BRF1: variants seen among roughly 807,000 people sequenced by gnomAD.
The protein encoded by BRF1 is BRF1 general transcription factor IIIB subunit.
BRF1 carries 59 observed loss-of-function variants against 81.7 expected under a neutral mutation model. The observed-to-expected ratio is 0.72, with a 90% CI of 0.59 to 0.90. The LOEUF is 0.90. Ranked by LOEUF, BRF1 falls within the 40% of genes least tolerant of loss-of-function variation. BRF1 has a pLI of 0.00. For missense variants in BRF1, 1,050 were observed against 936.3 expected (o/e 1.12, Z -1.58); for synonymous variants, 491 against 395.6 (o/e 1.24, Z -2.86).
chr14:105,256,653 T>C lies in BRF1; in HGVS notation c.440-104A>G. 3 of 1,502,024 alleles carry C rather than the reference T, an allele frequency of 2.0e-6. No individual in the cohort carries two copies. The South Asian group carries it at 3.9e-5, about 19-fold the overall frequency. 93.0% of individuals were successfully genotyped at this position (1,502,024 alleles called of 1,614,324 possible). A position where few individuals can be genotyped will look rare whatever the true frequency, so the allele number is the denominator to read the frequency against. On this transcript the variant is annotated intron_variant, in intron 3 of 17. Coordinates refer to ENST00000547530, the MANE Select transcript of BRF1 (RefSeq NM_001519.4). ...GGACTGCACCTGCAGGGAGCTGGAG[T>C]CGCCCCTCCAAATATAAGCTCCACC...
At chr14:105,254,817 C>T (rs2055787486) in intron 4 of BRF1, among the ~76,000 whole-genome samples, 2 of 152,242 alleles carry the variant, frequency 1.3e-5, no homozygotes, top group Non-Finnish European at 2.9e-5. Flanking sequence ...CTGCCTCAGC[C>T]TCCCAAAGTG....
intron 2 of BRF1, among the ~76,000 whole-genome samples, chr14:105,283,560 A>G (rs889437584): frequency 2.0e-5 from 3 of 152,192 alleles, no homozygotes; most frequent in South Asian, 4.1e-4. Flanking sequence ...ATTAGGGAGC[A>G]TGTATGTTCC....
chr14:105,229,652 G>C (rs587628947), intron 6 of BRF1, among the ~76,000 whole-genome samples: 4 of 151,028 alleles, frequency 2.6e-5, no homozygotes, highest in African/African-American at 7.3e-5. Flanking sequence ...GCGGGGGACA[G>C]CCTGGCAGCC....
upstream of BRF1, chr14:105,301,208 G>T (rs2058006600): frequency 6.6e-6 from 1 of 152,536 alleles, no homozygotes; most frequent in African/African-American, 2.4e-5. Context: ...GAACGCAGTC[G>T]GGGACTAAAG....
At chr14:105,263,522 C>T (rs2056257265) in intron 3 of BRF1, among the ~76,000 whole-genome samples, 1 of 152,138 alleles carries the variant, frequency 6.6e-6, no homozygotes. Context: ...CCCGAGGTGC[C>T]AGGAAGGGAC....
chr14:105,217,829 C>T (rs369966228), intron 14 of BRF1, 29 bp from the exon 15 acceptor site: 27 of 1,603,428 alleles, frequency 1.7e-5, no homozygotes, highest in African/African-American at 2.7e-5. Flanking sequence ...GAATGCCTCC[C>T]GTGAGTCACG....
chr14:105,287,991 G>C (rs2057377684), intron 1 of BRF1, among the ~76,000 whole-genome samples: 1 of 152,230 alleles, frequency 6.6e-6, no homozygotes, highest in Non-Finnish European at 1.5e-5. Context: ...GTGGCCACAG[G>C]GGTGGCCGGC....
chr14:105,251,456 A>G (rs1430404420), intron 5 of BRF1, among the ~76,000 whole-genome samples: 1 of 152,132 alleles, frequency 6.6e-6, no homozygotes. Context: ...GGAGTGGACT[A>G]TAGGGTGAAA....
intron 4 of BRF1, chr14:105,256,152 G>C: frequency 6.8e-7 from 1 of 1,460,014 alleles, no homozygotes; most frequent in South Asian, 1.3e-5. Context: ...TAAAATGCAA[G>C]GTCAAAAGAA....
At chr14:105,262,021 G>A (rs1391406397) in intron 3 of BRF1, among the ~76,000 whole-genome samples, 2 of 152,146 alleles carry the variant, frequency 1.3e-5, no homozygotes, top group Non-Finnish European at 2.9e-5. Context: ...TCCGTGTAGA[G>A]CAGTAGTGCC....
At chr14:105,221,581 T>G in intron 11 of BRF1, 67 bp downstream of exon 11, 104 of 1,555,680 alleles carry the variant, frequency 6.7e-5, no homozygotes, top group Middle Eastern at 4.7e-4. Flanking sequence ...GCTCTCCCCA[T>G]GAGAGGCACA....
At chr14:105,245,499 C>G (rs1595366096) in intron 5 of BRF1, among the ~76,000 whole-genome samples, 1 of 152,092 alleles carries the variant, frequency 6.6e-6, no homozygotes, top group South Asian at 2.1e-4. Context: ...TTACCACTGT[C>G]AAGAAAAGAA....
chr14:105,310,548 A>AG (rs2058326060), intron 1 of BRF1, among the ~76,000 whole-genome samples: 1 of 150,440 alleles, frequency 6.6e-6, no homozygotes, highest in South Asian at 2.1e-4. Flanking sequence ...AAAAAAAAAA[A>AG]AAAAAAAGAA....
At chr14:105,304,841 T>C (rs147956580), upstream of BRF1, among the ~76,000 whole-genome samples, 1 of 152,246 alleles carries the variant, frequency 6.6e-6, no homozygotes, top group African/African-American at 2.4e-5. Flanking sequence ...AACCGTCAGA[T>C]CTCGTGAGAC....
chr14:105,294,618 T>C (rs1444012739), intron 1 of BRF1, among the ~76,000 whole-genome samples: 1 of 151,902 alleles, frequency 6.6e-6, no homozygotes, highest in Non-Finnish European at 1.5e-5. Flanking sequence ...TGGAAGACGA[T>C]GGGGAGGGAA....
chr14:105,211,486 A>T, intron 16 of BRF1, 193 bp from the exon 17 acceptor site: 1 of 575,564 alleles, frequency 1.7e-6, no homozygotes, highest in Non-Finnish European at 3.0e-6. Flanking sequence ...GAGCTGTGTC[A>T]GCATCAAGAT....
chr14:105,312,890 A>C (rs767451096), intron 1 of BRF1, among the ~76,000 whole-genome samples: 8 of 152,176 alleles, frequency 5.3e-5, no homozygotes, highest in Non-Finnish European at 1.0e-4. Context: ...GACCCACCAT[A>C]CGGGTTCTTC....
chr14:105,266,089 CA>C (rs894258461), intron 3 of BRF1, among the ~76,000 whole-genome samples: 1 of 151,598 alleles, frequency 6.6e-6, no homozygotes, highest in Non-Finnish European at 1.5e-5. Context: ...ACAAAACAAA[CA>C]AAAAACCGTG....
intron 14 of BRF1, among the ~76,000 whole-genome samples, chr14:105,218,420 G>A (rs587773826): frequency 1.8e-4 from 28 of 152,258 alleles, no homozygotes; most frequent in African/African-American, 5.1e-4. Context: ...CAAGCTCCCC[G>A]GGTCCTGCTG....
Sources: gnomAD v4.1 joint callset for allele counts (sites outside exome capture counted in the v4.1 genomes callset) on GRCh38, gnomAD v4.1.1 for gene constraint, MANE v1.5 for transcripts, NCBI Gene and HGNC (gene_info 2026-07-23, HGNC 2026-07-21) for gene names.